The following TNRC6A variants were observed in gnomAD, a reference collection of about 807,000 sequenced individuals.
The protein encoded by TNRC6A is trinucleotide repeat containing adaptor 6A.
TNRC6A carries 44 observed loss-of-function variants against 221.2 expected under a neutral mutation model. The ratio of observed to expected loss-of-function variants is 0.20; its 90% CI spans 0.16 to 0.26. TNRC6A has a LOEUF of 0.26. Ranked by LOEUF, TNRC6A falls within the 10% of genes least tolerant of loss-of-function variation. The probability of loss-of-function intolerance (pLI) is 1.00; values close to 1 mark genes in which losing one functional copy is unlikely to be tolerated. For synonymous variants in TNRC6A, 847 were observed against 838.5 expected, an observed-to-expected ratio of 1.01 and a Z score of -0.18; for missense variants, 2,199 against 2,404.4, an observed-to-expected ratio of 0.91 and a Z score of 1.79.
chr16:24,669,112 A>T (rs1195899027), intron 2 of TNRC6A, among the ~76,000 whole-genome samples: 1 of 152,204 alleles, frequency 6.6e-6, no homozygotes, highest in Non-Finnish European at 1.5e-5. Context: ...CCTTAAATAA[A>T]TAACAATGTG....
chr16:24,679,586 C>T (rs1226575514), intron 2 of TNRC6A, among the ~76,000 whole-genome samples: 1 of 152,132 alleles, frequency 6.6e-6, no homozygotes, highest in Non-Finnish European at 1.5e-5. Context: ...TAGCAATTCT[C>T]CAGCCTCAGC....
intron 1 of TNRC6A, among the ~76,000 whole-genome samples, chr16:24,610,669 C>T (rs555242643): frequency 6.6e-6 from 1 of 152,304 alleles, no homozygotes; most frequent in Admixed American, 6.5e-5. Context: ...GCTGGCTCTG[C>T]TGGGGTGGAA....
intron 2 of TNRC6A, among the ~76,000 whole-genome samples, chr16:24,739,598 C>T (rs2056849552): frequency 6.6e-6 from 1 of 151,634 alleles, no homozygotes; most frequent in South Asian, 2.1e-4. Context: ...CCTCCCTCAG[C>T]CTCCTGAGTA....
chr16:24,713,971 A>T (rs1003417654), intron 2 of TNRC6A, among the ~76,000 whole-genome samples: 9 of 152,198 alleles, frequency 5.9e-5, no homozygotes, highest in Middle Eastern at 3.4e-3. Flanking sequence ...TAAACGATTC[A>T]ATTATGATTT....
chr16:24,792,858 G>T, intron 6 of TNRC6A, among the ~76,000 whole-genome samples: 1 of 149,000 alleles, frequency 6.7e-6, no homozygotes, highest in Admixed American at 6.8e-5. Flanking sequence ...GCATGATCTC[G>T]GTTCACTGCA....
intron 2 of TNRC6A, among the ~76,000 whole-genome samples, chr16:24,696,488 T>C (rs1299544879): frequency 6.6e-6 from 1 of 151,376 alleles, no homozygotes; most frequent in East Asian, 1.9e-4. Flanking sequence ...CCTAGTACAC[T>C]GGGAGGCTAA....
chr16:24,760,087 A>G (rs1188474865), intron 4 of TNRC6A, among the ~76,000 whole-genome samples: 1 of 152,008 alleles, frequency 6.6e-6, no homozygotes, highest in Non-Finnish European at 1.5e-5. Flanking sequence ...CCTGTTTCCC[A>G]TCAGTCCTTA....
At chr16:24,610,778 C>A (rs575094754) in intron 1 of TNRC6A, among the ~76,000 whole-genome samples, 52 of 152,192 alleles carry the variant, frequency 3.4e-4, no homozygotes, top group African/African-American at 1.2e-3. Flanking sequence ...TCTCACCTCT[C>A]ACCTTCCCCC....
At chr16:24,620,486 T>C (rs182847578) in intron 1 of TNRC6A, among the ~76,000 whole-genome samples, 13 of 152,286 alleles carry the variant, frequency 8.5e-5, no homozygotes, top group African/African-American at 1.7e-4. Flanking sequence ...TAAAATGTGA[T>C]GTTTGTTCAT....
In TNRC6A at chr16:24,804,960, A is replaced by G. The variant is rs1332224222; in HGVS notation, c.3985-54A>G. ...TAAATCATAGTACAGTGTGGTAATG[A>G]GATGTTTGTCCCTAAAGAATCCCAC... On this transcript the variant is annotated intron_variant, in intron 13 of 24. Transcript: ENST00000395799. 6 of 1,613,878 alleles carry G rather than the reference A, an allele frequency of 3.7e-6. No individual in the cohort carries two copies. The African/African-American group carries it at 4.0e-5, about 11-fold the overall frequency.
Position 24,776,272 on chromosome 16 carries a change from T to A in TNRC6A, c.164-661T>A, listed in dbSNP as rs558429064. 4 of 985,058 alleles carry A rather than the reference T, an allele frequency of 4.1e-6. No homozygotes were observed. The African/African-American group carries it at 7.0e-5, about 17-fold the overall frequency. 61.0% of individuals were successfully genotyped at this position (985,058 alleles called of 1,614,324 possible). A position where few individuals can be genotyped will look rare whatever the true frequency, so the allele number is the denominator to read the frequency against. ...CCTATTTGCAGTTTCCGATTTATTT[T>A]TCAGATTTAAGATAGAGCATCCAGA... On this transcript the variant is annotated intron_variant, in intron 4 of 24. Transcript: ENST00000395799.
Position 24,776,984 on chromosome 16 carries a change from A to G in TNRC6A, c.215A>G (p.Asn72Ser), listed in dbSNP as rs779258337. Residue 72 changes from asparagine (N) to serine (S), a missense_variant, in exon 5 of 25, where the codon AAT (asparagine) becomes AGT (serine). Around this residue, in one of 8 missense-constraint regions of TNRC6A, gnomAD observed 1,405 missense variants for 1,400.2 expected, o/e 1.00. Transcript: ENST00000395799. ...SVSQPQPANS[N>S]NGTSTATSTN... ...AGCCAGCCTCAGCCTGCCAACTCTA[A>G]TAACGGCACTTCCACAGCAACCAGC... 5.0e-6 allele frequency: 8 copies of G among 1,613,996 alleles called. No individual in the cohort carries two copies. The highest frequency in any genetic ancestry group is 3.3e-4 in the Middle Eastern group (2 of 6,084).
At chr16:24,663,813 G>A (rs566310043) in intron 2 of TNRC6A, 38 of 422,588 alleles carry the variant, frequency 9.0e-5, no homozygotes, top group Non-Finnish European at 1.4e-4. Flanking sequence ...CAGCATGACC[G>A]CAGGCACCCA....
chr16:24,654,674 G>A (rs1386699015), intron 2 of TNRC6A, among the ~76,000 whole-genome samples: 1 of 151,674 alleles, frequency 6.6e-6, no homozygotes, highest in East Asian at 1.9e-4. Flanking sequence ...AGATGAGATC[G>A]CACCACTGCA....
At chr16:24,689,027 C>T (rs2055697526) in intron 2 of TNRC6A, among the ~76,000 whole-genome samples, 1 of 152,158 alleles carries the variant, frequency 6.6e-6, no homozygotes, top group African/African-American at 2.4e-5. Context: ...AATCATGCAA[C>T]TGCACTCTAG....
intron 1 of TNRC6A, among the ~76,000 whole-genome samples, chr16:24,638,556 T>C (rs1201041342): frequency 6.6e-6 from 1 of 151,820 alleles, no homozygotes; most frequent in African/African-American, 2.4e-5. Flanking sequence ...TTACTAAAAA[T>C]ACAAAAAGTA....
At position 24,770,076 on chromosome 16, in the gene TNRC6A, G is replaced by A. The variant is rs368186725; in HGVS notation, c.164-6857G>A. ...ATAACATAACATGCTTCTAAGATAC[G>A]CCCAGTCTGGGGGTGGGGGAAATTA... On this transcript the variant is annotated intron_variant, in intron 4 of 24. Coordinates refer to ENST00000395799, the MANE Select transcript of TNRC6A (RefSeq NM_014494.4). 6.6e-5 allele frequency among the ~76,000 whole-genome samples: 10 copies of A among 152,308 alleles called. No individual in the cohort carries two copies. In the South Asian group the frequency reaches 1.4e-3, roughly 22 times the overall value.
intron 2 of TNRC6A, among the ~76,000 whole-genome samples, chr16:24,688,388 C>T (rs2055685712): frequency 6.6e-6 from 1 of 152,194 alleles, no homozygotes; most frequent in South Asian, 2.1e-4. Context: ...GGTGTCCTCT[C>T]ACCACGGCCC....
chr16:24,788,419 C>G (rs1293416731), intron 5 of TNRC6A, among the ~76,000 whole-genome samples: 1 of 152,114 alleles, frequency 6.6e-6, no homozygotes, highest in Admixed American at 6.5e-5. Context: ...AAAAGCTTTC[C>G]AATTCTTACC....
Sources: allele counts gnomAD v4.1 joint callset (sites outside exome capture counted in the v4.1 genomes callset), GRCh38; gene constraint gnomAD v4.1.1; regional missense constraint gnomAD v4.1.1; transcripts MANE v1.5; gene names NCBI Gene and HGNC (gene_info 2026-07-23, HGNC 2026-07-21).